Variants in SIX4 observed in about 807,000 individuals in gnomAD.
The protein encoded by SIX4 is homeobox protein SIX4.
A neutral mutation model predicts 51.5 loss-of-function variants in SIX4; 23 were observed. The observed-to-expected ratio is 0.45, with a 90% CI of 0.32 to 0.63. The LOEUF is 0.63. Among genes scored for constraint, SIX4 ranks in the 30% least tolerant of loss-of-function variants. SIX4 has a pLI of 0.04. For synonymous variants in SIX4, 413 were observed against 417.3 expected, an observed-to-expected ratio of 0.99 and a Z score of 0.13; for missense variants, 867 against 984.0, an observed-to-expected ratio of 0.88 and a Z score of 1.59.
Position 60,722,757 on chromosome 14 carries a change from C to G in SIX4, c.863+455G>C, listed in dbSNP as rs988790427. On this transcript the variant is annotated intron_variant, in intron 1 of 2. Transcript: ENST00000216513. This position sits in a 1 kb window ranked among gnomAD's most constrained non-coding sequence, Gnocchi z 5.9. ...CGGGAGCGTGCGCGCGCGCCAGGCC[C>G]GGTGTGACCTCGCGGAGGTGCAGAC... is the stretch of plus-strand genomic sequence containing the variant. Among the ~76,000 whole-genome samples the G allele has an allele frequency of 5.3e-5, 8 of 152,032 alleles. No homozygotes were observed. The highest frequency in any genetic ancestry group is 7.4e-5 in the Non-Finnish European group (5 of 67,976).
In SIX4 at chr14:60,713,730, G is replaced by A. The variant is rs1490266720; in HGVS notation, c.2023C>T (p.Leu675=). The change falls in exon 3 of 3, where the codon CTA becomes TTA. Residue 675 remains leucine, a synonymous_variant. Transcript: ENST00000216513. ...QNCSLITGQD[L]LSVPMTQAAL... ...GCCTGAGTCATAGGGACTGACAATA[G>A]GTCTTGACCAGTAATAAGGGAGCAG... The A allele has an allele frequency of 1.9e-6, 3 of 1,614,200 alleles. No homozygotes were observed. In the East Asian group the frequency reaches 6.7e-5, roughly 36 times the overall value.
At chr14:60,716,747 AT>A (rs1895928051) in intron 2 of SIX4, among the ~76,000 whole-genome samples, 2 of 152,198 alleles carry the variant, frequency 1.3e-5, no homozygotes, top group African/African-American at 4.8e-5. Context: ...CACCTAAAAC[AT>A]TTTCCTTCCT....
chr14:60,715,617 G>C (rs1441034108), intron 2 of SIX4, among the ~76,000 whole-genome samples: 3 of 152,064 alleles, frequency 2.0e-5, no homozygotes. Flanking sequence ...ATGGTCTATA[G>C]AGACCAGAAG....
In SIX4 at chr14:60,717,337, G is replaced by A. The variant is rs920345718; in HGVS notation, c.1549+2423C>T. Among the ~76,000 whole-genome samples, 1 of 152,194 alleles carries A rather than the reference G, an allele frequency of 6.6e-6. No homozygotes were observed. The highest frequency in any genetic ancestry group is 6.5e-5 in the Admixed American group (1 of 15,280). On this transcript the variant is annotated intron_variant, in intron 2 of 2. Coordinates refer to ENST00000216513, the MANE Select transcript of SIX4 (RefSeq NM_017420.5). This position sits in a 1 kb window ranked among gnomAD's most constrained non-coding sequence, Gnocchi z 4.6. ...TCCACCCGCCTTAGCCTCCTAAAGT[G>A]CTGGGATTAACAGGCGTAAGCCACT...
At position 60,720,220 on chromosome 14, in the gene SIX4, G is replaced by A. The variant is rs1335145367; in HGVS notation, c.1089C>T (p.Phe363=). Residue 363 remains phenylalanine, a synonymous_variant, in exon 2 of 3, where the codon TTC becomes TTT. Coordinates refer to ENST00000216513, the MANE Select transcript of SIX4 (RefSeq NM_017420.5). The surrounding 1 kb of genome is among the most constrained non-coding windows in gnomAD (Gnocchi z 5.5). ...SLVPASTSPV[F]LNGNSFIQGP... is the part of the protein sequence containing the mutation. The stretch of plus-strand genomic sequence containing the variant: ...CCTGAATAAAAGAATTTCCATTAAG[G>A]AAGACAGGTGAAGTACTTGCAGGTA... 6 of 1,614,074 alleles carry A rather than the reference G, an allele frequency of 3.7e-6. No homozygotes were observed. Among genetic ancestry groups the A allele is most frequent in the African/African-American group, 1.3e-5 (1 of 74,922 alleles).
intron 1 of SIX4, chr14:60,721,088 C>T (rs533287215): frequency 4.1e-6 from 4 of 985,552 alleles, no homozygotes; most frequent in East Asian, 1.1e-4. Flanking sequence ...TATGTGCAGT[C>T]GCCTTTGAAT....
chr14:60,717,999 G>T lies in SIX4; in HGVS notation c.1549+1761C>A. The T allele has an allele frequency of 4.2e-6, 1 of 237,138 alleles. No homozygotes were observed. Among genetic ancestry groups the T allele is most frequent in the African/African-American group, 2.4e-5 (1 of 42,478 alleles). The allele number at this position is 237,138 out of a possible 1,614,324, so 14.7% of individuals were successfully genotyped here. A position where few individuals can be genotyped will look rare whatever the true frequency, so the allele number is the denominator to read the frequency against. On this transcript the variant is annotated intron_variant, in intron 2 of 2. Transcript: ENST00000216513. The surrounding 1 kb of genome is among the most constrained non-coding windows in gnomAD (Gnocchi z 4.6). ...TGTACTCCAGCCTGGGTGACAAAAT[G>T]AGTCTCCGCCTAAAAATAATAATAA...
In SIX4 at chr14:60,723,309, G is replaced by A. The variant is rs746244840; in HGVS notation, c.766C>T (p.Leu256=). Residue 256 remains leucine (L), a synonymous_variant, in exon 1 of 3, where the codon CTG becomes TTG. Coordinates refer to ENST00000216513, the MANE Select transcript of SIX4 (RefSeq NM_017420.5). ...AGGGAGAGGCCGGTGATCTTGGCCA[G>A]GTGCCGCTTCTCGGCGGGCGAAGGG... The part of the protein sequence containing the change: ...RYPSPAEKRH[L]AKITGLSLTQ... 1 of 1,613,398 alleles carries A rather than the reference G, an allele frequency of 6.2e-7. No homozygotes were observed. Among genetic ancestry groups the A allele is most frequent in the South Asian group, 1.1e-5 (1 of 91,070 alleles).
rs778647376 is a variant in SIX4, at chr14:60,724,018, C to G, written c.57G>C (p.Glu19Asp). The G allele has an allele frequency of 1.3e-6, 2 of 1,525,500 alleles. No homozygotes were observed. The highest frequency in any genetic ancestry group is 2.2e-5 in the Admixed American group (1 of 45,728). 94.5% of individuals were successfully genotyped at this position (1,525,500 alleles called of 1,614,324 possible). A position where few individuals can be genotyped will look rare whatever the true frequency, so the allele number is the denominator to read the frequency against. Residue 19 changes from glutamate (E) to aspartate (D), a missense_variant, in exon 1 of 3, where the codon GAG becomes GAC. Glu to Asp is a conservative substitution (Grantham distance 45). Transcript: ENST00000216513. ...QIASAADIKQ[E>D]NGMESASEGQ... ...CTTCCGAGGCGCTTTCCATCCCATT[C>G]TCTTGCTTGATGTCCGCCGCACTTG...
Position 60,723,894 on chromosome 14 carries a change from C to A in SIX4, c.181G>T (p.Ala61Ser). 6.6e-7 allele frequency: 1 copy of A among 1,522,940 alleles called. No homozygotes were observed. The allele number at this position is 1,522,940 out of a possible 1,614,324, so 94.3% of individuals were successfully genotyped here. ...TCCTCTCCGCTCACCCTGGCGGCAG[C>A]GGTCGCGGCGTCCCCCGGCTCCAGG... The part of the protein sequence containing the change: ...FPLEPGDAAT[A>S]AARVSGEEGA... The change falls in exon 1 of 3, where the codon GCT becomes TCT. Residue 61 changes from alanine (A) to serine (S), a missense_variant. By Grantham distance (99) the Ala-to-Ser change is moderately conservative. Transcript: ENST00000216513.
At position 60,719,708 on chromosome 14, in the gene SIX4, C is replaced by T; in HGVS notation, c.1549+52G>A. On this transcript the variant is annotated intron_variant, in intron 2 of 2. Coordinates refer to ENST00000216513, the MANE Select transcript of SIX4 (RefSeq NM_017420.5). The surrounding 1 kb of genome is among the most constrained non-coding windows in gnomAD (Gnocchi z 4.9). ...CTATCACCAAATGCGTCACTTACAGCAGCTGATGAACACATTTGCTGGTGC... is the reference window on the plus strand; with the variant it reads ...CTATCACCAAATGCGTCACTTACAGTAGCTGATGAACACATTTGCTGGTGC... The T allele has an allele frequency of 6.4e-7, 1 of 1,550,806 alleles. No homozygotes were observed. Among genetic ancestry groups the T allele is most frequent in the Non-Finnish European group, 8.8e-7 (1 of 1,136,490 alleles).
At position 60,717,966 on chromosome 14, in the gene SIX4, C is replaced by T. The variant is rs147080058; in HGVS notation, c.1549+1794G>A. 2.7e-3 allele frequency: 608 copies of T among 222,342 alleles called. 5 individuals carry two copies. The highest frequency in any genetic ancestry group is 0.014 in the African/African-American group (579 of 42,320). 13.8% of individuals were successfully genotyped at this position (222,342 alleles called of 1,614,324 possible). On this transcript the variant is annotated intron_variant, in intron 2 of 2. Transcript: ENST00000216513. This position sits in a 1 kb window ranked among gnomAD's most constrained non-coding sequence, Gnocchi z 4.6. ...GGCAGAGGCTGCAGTGAGCCGAGAT[C>T]GCGCCACTGTACTCCAGCCTGGGTG...
In SIX4 at chr14:60,722,255, G is replaced by A. The variant is rs1224068486; in HGVS notation, c.863+957C>T. Among the ~76,000 whole-genome samples, 1 of 152,194 alleles carries A rather than the reference G, an allele frequency of 6.6e-6. No homozygotes were observed. The highest frequency in any genetic ancestry group is 1.5e-5 in the Non-Finnish European group (1 of 68,028). ...CACCAAGTGTCTGACTCGGGAGGACGCACAAAAGAGGTGGAAAATCCGGTA... is the reference window on the plus strand; with the variant it reads ...CACCAAGTGTCTGACTCGGGAGGACACACAAAAGAGGTGGAAAATCCGGTA... On this transcript the variant is annotated intron_variant, in intron 1 of 2. Coordinates refer to ENST00000216513, the MANE Select transcript of SIX4 (RefSeq NM_017420.5). The surrounding 1 kb of genome is among the most constrained non-coding windows in gnomAD (Gnocchi z 5.9).
At chr14:60,714,359 C>T (rs1490347026) in intron 2 of SIX4, among the ~76,000 whole-genome samples, 156 bp from the exon 3 acceptor site, 3 of 152,124 alleles carry the variant, frequency 2.0e-5, no homozygotes, top group African/African-American at 7.2e-5. Context: ...CCTTGGGCAC[C>T]TAAAACTACA....
chr14:60,716,477 T>A (rs964503515), intron 2 of SIX4, among the ~76,000 whole-genome samples: 2 of 151,638 alleles, frequency 1.3e-5, no homozygotes, highest in African/African-American at 4.8e-5. Flanking sequence ...GGTCTCAAAC[T>A]CTTGACCTTG....
chr14:60,719,872 G>A lies in SIX4; in HGVS notation c.1437C>T (p.Asn479=). The A allele has an allele frequency of 6.2e-7, 1 of 1,614,210 alleles. No individual in the cohort carries two copies. The highest frequency in any genetic ancestry group is 8.5e-7 in the Non-Finnish European group (1 of 1,180,044). The change falls in exon 2 of 3, where the codon AAC becomes AAT. Residue 479 remains asparagine, a synonymous_variant. Coordinates refer to ENST00000216513, the MANE Select transcript of SIX4 (RefSeq NM_017420.5). This position sits in a 1 kb window ranked among gnomAD's most constrained non-coding sequence, Gnocchi z 4.9. ...TGGGGATCTGGACAATGCCATACTG[G>A]TTAATTTGCACTGGTGTAGTAAAAG... ...VVTFTTPVQI[N]QYGIVQIPNS...
intron 2 of SIX4, among the ~76,000 whole-genome samples, chr14:60,715,809 T>C (rs559257704): frequency 6.6e-6 from 1 of 152,040 alleles, no homozygotes; most frequent in Non-Finnish European, 1.5e-5. Context: ...GAAGGAAAGG[T>C]AGATTTGGGG....
Position 60,717,695 on chromosome 14 carries a change from T to C in SIX4, c.1549+2065A>G, listed in dbSNP as rs546292780. Among the ~76,000 whole-genome samples, 19 of 151,560 alleles carry C rather than the reference T, an allele frequency of 1.3e-4. No individual in the cohort carries two copies. The highest frequency in any genetic ancestry group is 4.2e-4 in the South Asian group (2 of 4,798). On this transcript the variant is annotated intron_variant, in intron 2 of 2. Transcript: ENST00000216513. This position sits in a 1 kb window ranked among gnomAD's most constrained non-coding sequence, Gnocchi z 4.6. The stretch of plus-strand genomic sequence containing the variant: ...ATAAAAAAATCCAACTGAAAAACCA[T>C]ATAGATACAAAGCATTACTTTGTAA...
rs1177268608 is a variant in SIX4, at chr14:60,719,443, G to A, written c.1549+317C>T. On this transcript the variant is annotated intron_variant, in intron 2 of 2. Transcript: ENST00000216513. This position sits in a 1 kb window ranked among gnomAD's most constrained non-coding sequence, Gnocchi z 4.9. The stretch of plus-strand genomic sequence containing the variant: ...TTTTAATATTAAAATGCCAAGCAGT[G>A]AGTTATTTTGTAAGCACTGATTGAC... Among the ~76,000 whole-genome samples the A allele has an allele frequency of 2.0e-5, 3 of 152,194 alleles. No homozygotes were observed. Among genetic ancestry groups the A allele is most frequent in the Non-Finnish European group, 4.4e-5 (3 of 68,034 alleles).
Sources: gnomAD v4.1 joint callset for allele counts (sites outside exome capture counted in the v4.1 genomes callset) on GRCh38, gnomAD v4.1.1 for gene constraint, Gnocchi (gnomAD v3.1) non-coding constraint, MANE v1.5 for transcripts, NCBI Gene and HGNC (gene_info 2026-07-23, HGNC 2026-07-21) for gene names.